The following CLIC6 variants were observed in gnomAD, a reference collection of about 807,000 sequenced individuals.
CLIC6 encodes the protein CLIC family member 6.
A neutral mutation model predicts 49.2 loss-of-function variants in CLIC6; 39 were observed. The ratio of observed to expected loss-of-function variants is 0.79; its 90% CI spans 0.61 to 1.04. The LOEUF (loss-of-function observed/expected upper bound fraction) is 1.04, where lower values mean the gene tolerates loss of function less well. Ranked by LOEUF, CLIC6 falls within the 50% of genes least tolerant of loss-of-function variation. CLIC6 has a pLI of 0.00. For synonymous variants in CLIC6, 446 were observed against 433.4 expected (o/e 1.03, Z -0.36); for missense variants, 988 against 993.1 (o/e 0.99, Z 0.07).
intron 5 of CLIC6, among the ~76,000 whole-genome samples, chr21:34,710,321 C>T (rs887639003): frequency 1.3e-5 from 2 of 152,072 alleles, no homozygotes; most frequent in Non-Finnish European, 2.9e-5. Context: ...TTTAAAAAAA[C>T]ATTGACCCTC....
intron 1 of CLIC6, among the ~76,000 whole-genome samples, chr21:34,693,729 G>A (rs536966869): frequency 6.6e-6 from 1 of 152,334 alleles, no homozygotes; most frequent in African/African-American, 2.4e-5. Context: ...AAGCAGGCCT[G>A]CCCACAGTTC....
intron 1 of CLIC6, among the ~76,000 whole-genome samples, chr21:34,677,171 G>A (rs891858815): frequency 6.6e-6 from 1 of 152,148 alleles, no homozygotes; most frequent in Non-Finnish European, 1.5e-5. Flanking sequence ...TGGTGCTTAG[G>A]TATAAAATCT....
chr21:34,680,981 T>C (rs2145800822), intron 1 of CLIC6, among the ~76,000 whole-genome samples: 1 of 152,342 alleles, frequency 6.6e-6, no homozygotes, highest in African/African-American at 2.4e-5. Context: ...AGTTCCAAAG[T>C]AGCTTTCACA....
chr21:34,680,249 C>T (rs1989751615), intron 1 of CLIC6, among the ~76,000 whole-genome samples: 1 of 152,258 alleles, frequency 6.6e-6, no homozygotes, highest in South Asian at 2.1e-4. Flanking sequence ...CTTGCACCCT[C>T]TGAAGCAATG....
chr21:34,695,577 T>C (rs1364464062), intron 1 of CLIC6, among the ~76,000 whole-genome samples: 1 of 152,192 alleles, frequency 6.6e-6, no homozygotes, highest in African/African-American at 2.4e-5. Context: ...TGGTCAAGGG[T>C]TGACCTATTT....
rs1268767902 is a variant in CLIC6 at position 34,716,918 on chromosome 21, T to A, written c.*436T>A. 1 of 149,002 alleles carries A rather than the reference T, an allele frequency of 6.7e-6. No homozygotes were observed. The highest frequency in any genetic ancestry group is 1.4e-5 in the Non-Finnish European group (1 of 69,050). The allele number at this position is 149,002 out of a possible 1,614,324, so 9.2% of individuals were successfully genotyped here. ...CACACACAATTTCATTCATATATGGTATTGCATTATTTTATTTTAAAGCAC... is the reference window on the plus strand; with the variant it reads ...CACACACAATTTCATTCATATATGGAATTGCATTATTTTATTTTAAAGCAC... On this transcript the variant is annotated 3_prime_UTR_variant, in exon 6 of 6. Transcript: ENST00000349499.
intron 1 of CLIC6, among the ~76,000 whole-genome samples, chr21:34,680,165 G>C (rs1948898494): frequency 6.6e-6 from 1 of 152,248 alleles, no homozygotes; most frequent in African/African-American, 2.4e-5. Flanking sequence ...CTAGGCAGAA[G>C]TTCCTAAACC....
At chr21:34,696,683 C>T (rs1490721770) in intron 1 of CLIC6, among the ~76,000 whole-genome samples, 2 of 152,218 alleles carry the variant, frequency 1.3e-5, no homozygotes, top group African/African-American at 2.4e-5. Flanking sequence ...TAGTACAGAG[C>T]ACATGCTCCA....
At chr21:34,678,616 A>C (rs1207723939) in intron 1 of CLIC6, among the ~76,000 whole-genome samples, 1 of 152,190 alleles carries the variant, frequency 6.6e-6, no homozygotes, top group Non-Finnish European at 1.5e-5. Flanking sequence ...AAGACACTAA[A>C]CATCTATATA....
chr21:34,713,133 A>C (rs1429435059), intron 5 of CLIC6, among the ~76,000 whole-genome samples: 2 of 151,956 alleles, frequency 1.3e-5, no homozygotes, highest in African/African-American at 4.8e-5. Context: ...GACAGAGTTG[A>C]TTGAAAAGAA....
chr21:34,710,577 GC>G (rs1490365202), intron 5 of CLIC6, among the ~76,000 whole-genome samples: 1 of 152,210 alleles, frequency 6.6e-6, no homozygotes, highest in Non-Finnish European at 1.5e-5. Context: ...ACTTTGGGAG[GC>G]CAAGGCGGGC....
At chr21:34,682,026 G>A (rs1989788202) in intron 1 of CLIC6, among the ~76,000 whole-genome samples, 1 of 152,152 alleles carries the variant, frequency 6.6e-6, no homozygotes, top group African/African-American at 2.4e-5. Context: ...TGTGAAAAAT[G>A]TCATAGTATT....
chr21:34,673,345 A>G (rs535278270), intron 1 of CLIC6, among the ~76,000 whole-genome samples: 2 of 152,036 alleles, frequency 1.3e-5, no homozygotes, highest in South Asian at 4.1e-4. Flanking sequence ...ACAGGAGTGC[A>G]GTGGTGCTAT....
intron 5 of CLIC6, among the ~76,000 whole-genome samples, chr21:34,713,174 A>G (rs373074758): frequency 1.3e-5 from 2 of 152,200 alleles, no homozygotes; most frequent in East Asian, 3.9e-4. Flanking sequence ...TAAAGACAAG[A>G]AACAAAAACA....
chr21:34,675,036 A>G (rs536458083), intron 1 of CLIC6, among the ~76,000 whole-genome samples: 1 of 152,126 alleles, frequency 6.6e-6, no homozygotes, highest in Non-Finnish European at 1.5e-5. Context: ...AAAAAACTTC[A>G]GTGTTGACCA....
Position 34,669,979 on chromosome 21 carries a change from G to A in CLIC6, c.591G>A (p.Gly197=). Residue 197 remains glycine, a synonymous_variant, in exon 1 of 6, where the codon GGG becomes GGA. Transcript: ENST00000349499. ...GDSVDAEGPA[G]DSVDAEGPLG... Reference sequence around the variant, plus strand: ...GCGTAGACGCGGAAGGTCCGGCGGGGGACAGCGTAGACGCGGAGGGCCCGC... The same window carrying A: ...GCGTAGACGCGGAAGGTCCGGCGGGAGACAGCGTAGACGCGGAGGGCCCGC... The A allele has an allele frequency of 1.4e-6, 2 of 1,385,428 alleles. No homozygotes were observed. Among genetic ancestry groups the A allele is most frequent in the East Asian group, 3.0e-5 (1 of 33,562 alleles). The allele number at this position is 1,385,428 out of a possible 1,614,324, so 85.8% of individuals were successfully genotyped here. A position where few individuals can be genotyped will look rare whatever the true frequency, so the allele number is the denominator to read the frequency against.
chr21:34,679,739 C>T (rs1346871799), intron 1 of CLIC6, among the ~76,000 whole-genome samples: 1 of 152,220 alleles, frequency 6.6e-6, no homozygotes, highest in Admixed American at 6.5e-5. Flanking sequence ...TCTGAAATTC[C>T]ACAGGGCAGT....
chr21:34,699,415 C>CT (rs10604054), intron 1 of CLIC6, among the ~76,000 whole-genome samples: 1,907 of 134,772 alleles, frequency 0.014, 22 homozygotes, highest in Middle Eastern at 0.046. Flanking sequence ...CCATACCTGG[C>CT]TTTTTTTTTT....
chr21:34,687,682 T>C (rs796280565), intron 1 of CLIC6, among the ~76,000 whole-genome samples: 76 of 152,302 alleles, frequency 5.0e-4, no homozygotes, highest in African/African-American at 1.8e-3. Flanking sequence ...ACTTAATCCA[T>C]TGAATAATAA....
Sources: gnomAD v4.1 joint callset for allele counts (sites outside exome capture counted in the v4.1 genomes callset) on GRCh38, gnomAD v4.1.1 for gene constraint, MANE v1.5 for transcripts, NCBI Gene and HGNC (gene_info 2026-07-23, HGNC 2026-07-21) for gene names.